The following NHSL2 variants were observed in gnomAD, a reference collection of about 807,000 sequenced individuals.
The protein encoded by NHSL2 is NHS-like protein 2.
Under a neutral mutation model 53.4 loss-of-function variants are expected in NHSL2, and 27 were observed. That is an observed-to-expected ratio of 0.51 (90% CI 0.37 to 0.70). The LOEUF (loss-of-function observed/expected upper bound fraction) is 0.70, where lower values mean the gene tolerates loss of function less well. Ranked by LOEUF, NHSL2 falls within the 30% of genes least tolerant of loss-of-function variation. The pLI is 0.00. For synonymous variants in NHSL2, 408 were observed against 404.1 expected, an observed-to-expected ratio of 1.01 and a Z score of -0.12; for missense variants, 892 against 980.1, an observed-to-expected ratio of 0.91 and a Z score of 1.20.
At chrX:72,090,576 A>G (rs2041887376) in intron 1 of NHSL2, among the ~76,000 whole-genome samples, 1 of 111,601 alleles carries the variant, frequency 9.0e-6, no homozygotes, top group African/African-American at 3.3e-5. Flanking sequence ...GCTTATTACT[A>G]TTACATTTTT....
chrX:72,036,328 C>A (rs1413413348), intron 1 of NHSL2, among the ~76,000 whole-genome samples: 3 of 112,195 alleles, frequency 2.7e-5, no homozygotes, highest in Non-Finnish European at 5.6e-5. Flanking sequence ...TTCTGGCCTC[C>A]ATGGTTTCTG....
intron 1 of NHSL2, among the ~76,000 whole-genome samples, chrX:71,922,574 G>A (rs1338339949): frequency 3.6e-5 from 4 of 112,281 alleles, no homozygotes; most frequent in African/African-American, 1.3e-4. Context: ...CTACTTGGGA[G>A]CCTGAGGCGG....
Position 72,125,963 on chromosome X carries a change from G to A in NHSL2, c.281-6116G>A, listed in dbSNP as rs370516786. On this transcript the variant is annotated intron_variant, in intron 1 of 7. Coordinates refer to ENST00000633930, the MANE Select transcript of NHSL2 (RefSeq NM_001013627.3). Reference sequence around the variant, plus strand: ...TCTCCTGGGAGATAGCAAGCACGGTGTATTTGAGTTAAGAATGTATATGGG... The same window carrying A: ...TCTCCTGGGAGATAGCAAGCACGGTATATTTGAGTTAAGAATGTATATGGG... Among the ~76,000 whole-genome samples the A allele has an allele frequency of 1.3e-3, 151 of 112,270 alleles. 1 individual carries two copies. In the South Asian group the frequency reaches 0.054, roughly 40 times the overall value.
In NHSL2 at chrX:72,139,434, C is replaced by T; in HGVS notation, c.1886C>T (p.Pro629Leu). The T allele has an allele frequency of 8.3e-7, 1 of 1,211,134 alleles. No individual in the cohort carries two copies. Among genetic ancestry groups the T allele is most frequent in the Non-Finnish European group, 1.1e-6 (1 of 895,149 alleles). ...CCAGCTATTCCAAACCACAAAGATC[C>T]AGAAAGTACACAATTCTCCCACCAC... ...GHPAIPNHKD[P>L]ESTQFSHHWY... The change falls in exon 6 of 8, where the codon CCA (proline) becomes CTA (leucine). Residue 629 changes from proline (P) to leucine (L), a missense_variant. Pro to Leu is a moderately conservative substitution (Grantham distance 98). Transcript: ENST00000633930.
chrX:72,059,956 A>G (rs1465967934), intron 1 of NHSL2, among the ~76,000 whole-genome samples: 1 of 111,938 alleles, frequency 8.9e-6, no homozygotes, highest in Admixed American at 9.5e-5. Flanking sequence ...ATGAAGCTTT[A>G]CTGAGGGGCG....
intron 1 of NHSL2, among the ~76,000 whole-genome samples, chrX:71,955,167 GGA>G (rs1017187357): frequency 8.9e-6 from 1 of 111,882 alleles, no homozygotes; most frequent in Non-Finnish European, 1.9e-5. Context: ...CCGAAGCGCC[GGA>G]GAGAGTGGCA....
chrX:71,911,065 C>T lies in NHSL2; in HGVS notation c.-23C>T. The T allele has an allele frequency of 4.0e-6, 4 of 992,431 alleles. No individual in the cohort carries two copies. The South Asian group carries it at 1.4e-4, about 34-fold the overall frequency. 81.8% of individuals were successfully genotyped at this position (992,431 alleles called of 1,213,427 possible). A position where few individuals can be genotyped will look rare whatever the true frequency, so the allele number is the denominator to read the frequency against. On this transcript the variant is annotated 5_prime_UTR_variant, in exon 1 of 8. Coordinates refer to ENST00000633930, the MANE Select transcript of NHSL2 (RefSeq NM_001013627.3). ...CCCGCCGCGCCGCCAGACTGGTCCC[C>T]TGCGCCCGCGCCCGCGGCCGGGATG...
intron 1 of NHSL2, among the ~76,000 whole-genome samples, chrX:72,096,238 A>G (rs2041942714): frequency 2.7e-5 from 3 of 111,610 alleles, no homozygotes; most frequent in Admixed American, 9.5e-5. Flanking sequence ...ATGGTAAGAA[A>G]TGGCCAGATT....
chrX:72,049,012 AGAG>A (rs767885137), intron 1 of NHSL2, among the ~76,000 whole-genome samples: 4 of 84,517 alleles, frequency 4.7e-5, no homozygotes, highest in South Asian at 5.9e-4. Context: ...AAGAAGAAGA[AGAG>A]GAAGAGGAAG....
chrX:72,011,095 C>T lies in NHSL2; in HGVS notation c.280+99728C>T, dbSNP rs1031724066. ...TTCTGGAGATCCATCCAGGTTGTTG[C>T]GTGTATCAATAGTCTGCCCCTACCC... On this transcript the variant is annotated intron_variant, in intron 1 of 7. Transcript: ENST00000633930. Among the ~76,000 whole-genome samples the T allele has an allele frequency of 8.0e-5, 9 of 112,210 alleles. No homozygotes were observed. In the South Asian group the frequency reaches 2.2e-3, roughly 28 times the overall value.
In NHSL2 at chrX:72,066,760, A is replaced by G. The variant is rs139971133; in HGVS notation, c.281-65319A>G. Among the ~76,000 whole-genome samples the G allele has an allele frequency of 6.9e-3, 777 of 111,905 alleles. 12 individuals are homozygous for G. Among genetic ancestry groups the G allele is most frequent in the African/African-American group, 0.024 (733 of 30,769 alleles). On this transcript the variant is annotated intron_variant, in intron 1 of 7. Transcript: ENST00000633930. The stretch of plus-strand genomic sequence containing the variant: ...CTCCCCTGTCTTAGCCTGTTTAAGT[A>G]TCTGTGGAGTAGATTAAACTAGTAT...
chrX:71,958,377 T>G (rs183438743), intron 1 of NHSL2, among the ~76,000 whole-genome samples: 1 of 111,610 alleles, frequency 9.0e-6, no homozygotes, highest in African/African-American at 3.3e-5. Flanking sequence ...CATTTCCTCA[T>G]GAAAGCCTTT....
intron 1 of NHSL2, among the ~76,000 whole-genome samples, chrX:71,994,737 G>T (rs2042042475): frequency 8.9e-6 from 1 of 111,798 alleles, no homozygotes; most frequent in South Asian, 3.8e-4. Context: ...TCTCAGCTTT[G>T]CAAGGCCCAC....
chrX:71,966,462 C>T (rs1018034547), intron 1 of NHSL2, among the ~76,000 whole-genome samples: 2 of 110,596 alleles, frequency 1.8e-5, no homozygotes, highest in African/African-American at 6.6e-5. Context: ...TTGAGGATAT[C>T]CTTTCTATTT....
chrX:72,119,365 G>T (rs1292683812), intron 1 of NHSL2, among the ~76,000 whole-genome samples: 4 of 111,732 alleles, frequency 3.6e-5, no homozygotes, highest in African/African-American at 9.8e-5. Context: ...GAGGAATATT[G>T]CCATCTTAAC....
intron 1 of NHSL2, among the ~76,000 whole-genome samples, chrX:72,119,537 T>C (rs2042166136): frequency 8.9e-6 from 1 of 112,712 alleles, no homozygotes; most frequent in South Asian, 3.6e-4. Flanking sequence ...GGAATTGTTT[T>C]CTTAATTTCA....
In NHSL2 at chrX:72,148,264, C is replaced by T. The variant is rs942017379; in HGVS notation, c.*4690C>T. The T allele has an allele frequency of 8.9e-6, 1 of 111,887 alleles. No homozygotes were observed. The highest frequency in any genetic ancestry group is 3.2e-5 in the African/African-American group (1 of 30,777). The allele number at this position is 111,887 out of a possible 1,213,427, so 9.2% of individuals were successfully genotyped here. A position where few individuals can be genotyped will look rare whatever the true frequency, so the allele number is the denominator to read the frequency against. On this transcript the variant is annotated 3_prime_UTR_variant, in exon 8 of 8. Transcript: ENST00000633930. Reference sequence around the variant, plus strand: ...TTGTGAAAGGTGAAACTGTCCAATCCATGTCCAATCAATGTCAGTCGTCCA... The same window carrying T: ...TTGTGAAAGGTGAAACTGTCCAATCTATGTCCAATCAATGTCAGTCGTCCA...
At chrX:71,955,110 C>A (rs1026236607) in intron 1 of NHSL2, among the ~76,000 whole-genome samples, 12 of 111,625 alleles carry the variant, frequency 1.1e-4, no homozygotes, top group African/African-American at 3.6e-4. Flanking sequence ...TTGTTCCTCC[C>A]ACCTCTGCCT....
chrX:72,026,266 T>C (rs1057382075), intron 1 of NHSL2, among the ~76,000 whole-genome samples: 1 of 111,910 alleles, frequency 8.9e-6, no homozygotes, highest in Admixed American at 9.4e-5. Flanking sequence ...TCCCAGACTA[T>C]TGGAATCTGA....
Sources: allele counts gnomAD v4.1 joint callset (sites outside exome capture counted in the v4.1 genomes callset), GRCh38; gene constraint gnomAD v4.1.1; transcripts MANE v1.5; gene names NCBI Gene and HGNC (gene_info 2026-07-23, HGNC 2026-07-21).